The following PLAGL1 variants were observed in gnomAD, a reference collection of about 807,000 sequenced individuals.
PLAGL1 encodes the protein PLAG1 like zinc finger 1, also known as zinc finger protein PLAGL1.
In PLAGL1, 1 loss-of-function variant was observed where a neutral mutation model predicts 4.6. The ratio of observed to expected loss-of-function variants is 0.22; its 90% CI spans 0.08 to 1.03. The LOEUF (loss-of-function observed/expected upper bound fraction) is 1.03. Among genes scored for constraint, PLAGL1 ranks in the 50% least tolerant of loss-of-function variants. PLAGL1 has a pLI of 0.58. For synonymous variants in PLAGL1, 240 were observed against 237.8 expected (o/e 1.01, Z -0.08); for missense variants, 464 against 570.4 (o/e 0.81, Z 1.90).
At chr6:143,998,726 G>A (rs1792205653) in intron 1 of PLAGL1, among the ~76,000 whole-genome samples, 1 of 152,048 alleles carries the variant, frequency 6.6e-6, no homozygotes. Context: ...GTTGTAGAGT[G>A]AGTATTCTCT....
At position 144,061,515 on chromosome 6, in the gene PLAGL1, A is replaced by G. The variant is rs1799397643; in HGVS notation, c.-151+2953T>C. On this transcript the variant is annotated intron_variant, in intron 1 of 3. Transcript: ENST00000437412. This position sits in a 1 kb window ranked among gnomAD's most constrained non-coding sequence, Gnocchi z 4.4. The stretch of plus-strand genomic sequence containing the variant: ...TCATATTATTATATCCCCATTGTAC[A>G]ATGAGCAGACACAGCTAATTGAGGA... Among the ~76,000 whole-genome samples, 2 of 152,308 alleles carry G rather than the reference A, an allele frequency of 1.3e-5. No homozygotes were observed. Among genetic ancestry groups the G allele is most frequent in the Admixed American group, 6.5e-5 (1 of 15,304 alleles).
At position 143,979,699 on chromosome 6, in the gene PLAGL1, A is replaced by T. The variant is rs1356081849; in HGVS notation, c.-544+5436T>A. ...GCTATTTTTGTTTAAACCATCTTTT[A>T]AAAAATATTAATAATAATCATCATC... On this transcript the variant is annotated intron_variant, in intron 2 of 7. Coordinates refer to ENST00000674357, the MANE Select transcript of PLAGL1 (RefSeq NM_001317162.2). The surrounding 1 kb of genome is among the most constrained non-coding windows in gnomAD (Gnocchi z 4.6). Among the ~76,000 whole-genome samples the T allele has an allele frequency of 2.0e-5, 3 of 152,000 alleles. No homozygotes were observed. The highest frequency in any genetic ancestry group is 7.2e-5 in the African/African-American group (3 of 41,426).
At position 143,979,583 on chromosome 6, in the gene PLAGL1, G is replaced by C. The variant is rs1049123739; in HGVS notation, c.-544+5552C>G. 3.3e-5 allele frequency among the ~76,000 whole-genome samples: 5 copies of C among 151,862 alleles called. No individual in the cohort carries two copies. The highest frequency in any genetic ancestry group is 2.0e-4 in the Admixed American group (3 of 15,250). ...CAAGGGATATACCAGTTCATGTAGA[G>C]TATAAAAACTTTATAGTTATATTTT... On this transcript the variant is annotated intron_variant, in intron 2 of 7. Coordinates refer to ENST00000674357, the MANE Select transcript of PLAGL1 (RefSeq NM_001317162.2). The surrounding 1 kb of genome is among the most constrained non-coding windows in gnomAD (Gnocchi z 4.6).
At chr6:143,977,477 T>C (rs1786941331) in intron 2 of PLAGL1, among the ~76,000 whole-genome samples, 2 of 136,374 alleles carry the variant, frequency 1.5e-5, no homozygotes, top group Non-Finnish European at 3.1e-5. Flanking sequence ...CTTCTTTTTT[T>C]TTTTTTTTTT....
rs144824028 is a variant in PLAGL1 at position 143,952,398 on chromosome 6, C to T, written c.-324-3938G>A. Among the ~76,000 whole-genome samples the T allele has an allele frequency of 4.6e-5, 7 of 152,212 alleles. No homozygotes were observed. The highest frequency in any genetic ancestry group is 1.4e-4 in the African/African-American group (6 of 41,526). On this transcript the variant is annotated intron_variant, in intron 6 of 7. Transcript: ENST00000674357. The surrounding 1 kb of genome is among the most constrained non-coding windows in gnomAD (Gnocchi z 6.1). ...ACGGTGCTATTTCAACACCTGTCAC[C>T]CTAGAAAGATAGTAAGTCTTACCCC...
chr6:144,040,875 T>C (rs185036211), intron 1 of PLAGL1, among the ~76,000 whole-genome samples: 5 of 152,102 alleles, frequency 3.3e-5, no homozygotes, highest in Admixed American at 3.3e-4. Context: ...AGACTCTGTC[T>C]CAAAAACAAA....
intron 2 of PLAGL1, among the ~76,000 whole-genome samples, chr6:143,981,276 C>A (rs1003653549): frequency 6.6e-6 from 1 of 152,174 alleles, no homozygotes; most frequent in Non-Finnish European, 1.5e-5. Context: ...GGGGGACACA[C>A]TCTTCACTGC....
chr6:144,008,412 G>A (rs1324510865), upstream of PLAGL1: 1 of 151,824 alleles, frequency 6.6e-6, no homozygotes, highest in Non-Finnish European at 1.5e-5. The surrounding 1 kb of genome is among the most constrained non-coding windows in gnomAD (Gnocchi z 6.9). Flanking sequence ...CTCGGGAGCC[G>A]GAACGGCGCG....
rs1033246226 is a variant in PLAGL1 at position 143,997,903 on chromosome 6, T to C, written c.-584+10187A>G. Among the ~76,000 whole-genome samples, 2 of 152,190 alleles carry C rather than the reference T, an allele frequency of 1.3e-5. No individual in the cohort carries two copies. The highest frequency in any genetic ancestry group is 4.8e-5 in the African/African-American group (2 of 41,440). ...ACTCATCAAGCTATATACTTAAGAA[T>C]GGCAGATTTCATATGTTTTTCTTCC... On this transcript the variant is annotated intron_variant, in intron 1 of 7. Transcript: ENST00000674357. The surrounding 1 kb of genome is among the most constrained non-coding windows in gnomAD (Gnocchi z 4.6).
rs1390363790 is a variant in PLAGL1, at chr6:143,941,344, T to G, written c.*80A>C. 8.6e-7 allele frequency: 1 copy of G among 1,161,368 alleles called. No homozygotes were observed. The highest frequency in any genetic ancestry group is 1.5e-5 in the African/African-American group (1 of 64,626). 71.9% of individuals were successfully genotyped at this position (1,161,368 alleles called of 1,614,324 possible). On this transcript the variant is annotated 3_prime_UTR_variant, in exon 8 of 8. Coordinates refer to ENST00000674357, the MANE Select transcript of PLAGL1 (RefSeq NM_001317162.2). The surrounding 1 kb of genome is among the most constrained non-coding windows in gnomAD (Gnocchi z 6.0). ...CATAGTCCCAGTCTCGTTTTCCAAATCTTTCTCATATTGTAACTGACATTT... is the reference window on the plus strand; with the variant it reads ...CATAGTCCCAGTCTCGTTTTCCAAAGCTTTCTCATATTGTAACTGACATTT...
rs1009198660 is a variant in PLAGL1, at chr6:143,982,846, A to G, written c.-544+2289T>C. Among the ~76,000 whole-genome samples the G allele has an allele frequency of 2.0e-5, 3 of 152,172 alleles. No homozygotes were observed. The highest frequency in any genetic ancestry group is 4.4e-5 in the Non-Finnish European group (3 of 68,036). ...GAAGGAAGTTTGGTTGGGAACAGAG[A>G]AGAACTCAGGAGCTCAGGTGCAGAC... On this transcript the variant is annotated intron_variant, in intron 2 of 7. Coordinates refer to ENST00000674357, the MANE Select transcript of PLAGL1 (RefSeq NM_001317162.2). The surrounding 1 kb of genome is among the most constrained non-coding windows in gnomAD (Gnocchi z 5.3).
Position 143,941,251 on chromosome 6 carries a change from C to A in PLAGL1, c.*173G>T, listed in dbSNP as rs1246913997. The A allele has an allele frequency of 1.2e-5, 6 of 514,288 alleles. No homozygotes were observed. The highest frequency in any genetic ancestry group is 1.9e-5 in the African/African-American group (1 of 51,822). 31.9% of individuals were successfully genotyped at this position (514,288 alleles called of 1,614,324 possible). ...TGGTACAAAGCATGAACACTCAGGACAGATTGGCACAATACATGCAGTTCG... is the reference window on the plus strand; with the variant it reads ...TGGTACAAAGCATGAACACTCAGGAAAGATTGGCACAATACATGCAGTTCG... On this transcript the variant is annotated 3_prime_UTR_variant, in exon 8 of 8. Transcript: ENST00000674357. The surrounding 1 kb of genome is among the most constrained non-coding windows in gnomAD (Gnocchi z 6.0).
chr6:144,059,930 C>T lies in PLAGL1; in HGVS notation c.-151+4538G>A, dbSNP rs1799257491. Among the ~76,000 whole-genome samples, 1 of 152,118 alleles carries T rather than the reference C, an allele frequency of 6.6e-6. No homozygotes were observed. The highest frequency in any genetic ancestry group is 2.1e-4 in the South Asian group (1 of 4,814). Reference sequence around the variant, plus strand: ...ATGCCACTTCACTGTCCCCAGGTGGCCAAGGGTCTGAAAGGTCATTTCCCC... The same window carrying T: ...ATGCCACTTCACTGTCCCCAGGTGGTCAAGGGTCTGAAAGGTCATTTCCCC... On this transcript the variant is annotated intron_variant, in intron 1 of 3. Coordinates refer to the PLAGL1 transcript ENST00000437412. This position sits in a 1 kb window ranked among gnomAD's most constrained non-coding sequence, Gnocchi z 4.9.
intron 1 of PLAGL1, among the ~76,000 whole-genome samples, chr6:144,035,944 G>C (rs2128712283): frequency 6.6e-6 from 1 of 152,264 alleles, no homozygotes; most frequent in South Asian, 2.1e-4. Flanking sequence ...CACTGGAGTG[G>C]GCTGGTGAGA....
In PLAGL1 at chr6:143,997,703, C is replaced by T. The variant is rs1315652651; in HGVS notation, c.-584+10387G>A. Among the ~76,000 whole-genome samples the T allele has an allele frequency of 1.3e-5, 2 of 151,276 alleles. No individual in the cohort carries two copies. On this transcript the variant is annotated intron_variant, in intron 1 of 7. Coordinates refer to ENST00000674357, the MANE Select transcript of PLAGL1 (RefSeq NM_001317162.2). This position sits in a 1 kb window ranked among gnomAD's most constrained non-coding sequence, Gnocchi z 4.6. ...ACCATCTTGGGGCGGAGGGGGCTGG[C>T]GGGGAAGGAATAGATAAAACTAATC...
chr6:144,063,200 T>C lies in PLAGL1; in HGVS notation c.-151+1268A>G, dbSNP rs140317053. Among the ~76,000 whole-genome samples the C allele has an allele frequency of 2.7e-3, 413 of 152,318 alleles. 4 individuals carry two copies. The highest frequency in any genetic ancestry group is 9.6e-3 in the African/African-American group (401 of 41,578). ...TTTGTTGCAACCTGCACCGGAACTT[T>C]GTAGTATTCCAATTTCTCCCCTTTC... is the stretch of plus-strand genomic sequence containing the variant. On this transcript the variant is annotated intron_variant, in intron 1 of 3. Transcript: ENST00000437412. This position sits in a 1 kb window ranked among gnomAD's most constrained non-coding sequence, Gnocchi z 5.7.
In PLAGL1 at chr6:143,985,222, G is replaced by A. The variant is rs2128616248; in HGVS notation, c.-583-48C>T. On this transcript the variant is annotated intron_variant, in intron 1 of 7. Transcript: ENST00000674357. The surrounding 1 kb of genome is among the most constrained non-coding windows in gnomAD (Gnocchi z 4.4). Reference sequence around the variant, plus strand: ...CTAGTTTTGTATAATATTTGCACATGCATTTGTTAATTATAATTTTGAGAT... The same window carrying A: ...CTAGTTTTGTATAATATTTGCACATACATTTGTTAATTATAATTTTGAGAT... 1 of 152,262 alleles carries A rather than the reference G, an allele frequency of 6.6e-6. No homozygotes were observed. The highest frequency in any genetic ancestry group is 2.1e-4 in the South Asian group (1 of 4,830). 9.4% of individuals were successfully genotyped at this position (152,262 alleles called of 1,614,324 possible).
chr6:144,038,868 A>C (rs1462681607), intron 1 of PLAGL1, among the ~76,000 whole-genome samples: 2 of 152,248 alleles, frequency 1.3e-5, no homozygotes, highest in South Asian at 2.1e-4. Context: ...AAAAAGTCAT[A>C]AACTTGATTA....
rs919066580 is a variant in PLAGL1 at position 143,959,406 on chromosome 6, A to G, written c.-325+1063T>C. On this transcript the variant is annotated intron_variant, in intron 6 of 7. Transcript: ENST00000674357. The surrounding 1 kb of genome is among the most constrained non-coding windows in gnomAD (Gnocchi z 5.3). ...TAATGTCAGGCACACTGTAAACAGAAGATACAGGCAAGACGCTCCCCCACC... is the reference window on the plus strand; with the variant it reads ...TAATGTCAGGCACACTGTAAACAGAGGATACAGGCAAGACGCTCCCCCACC... Among the ~76,000 whole-genome samples the G allele has an allele frequency of 6.6e-6, 1 of 152,132 alleles. No homozygotes were observed. Among genetic ancestry groups the G allele is most frequent in the African/African-American group, 2.4e-5 (1 of 41,420 alleles).
Sources: allele counts gnomAD v4.1 joint callset (sites outside exome capture counted in the v4.1 genomes callset), GRCh38; gene constraint gnomAD v4.1.1; non-coding constraint Gnocchi (gnomAD v3.1); transcripts MANE v1.5; gene names NCBI Gene and HGNC (gene_info 2026-07-23, HGNC 2026-07-21).